Variants in KIRREL3 observed in about 807,000 individuals in gnomAD.
The protein encoded by KIRREL3 is kin of IRRE-like protein 3.
Under a neutral mutation model 89.7 loss-of-function variants are expected in KIRREL3, and 36 were observed. That is an observed-to-expected ratio of 0.40 (90% confidence interval 0.31 to 0.53). The LOEUF is 0.53. KIRREL3 is among the 20% of genes least tolerant of loss of function. The pLI, the probability that KIRREL3 is intolerant of heterozygous loss-of-function variation, is 0.49. For missense variants in KIRREL3, 864 were observed against 1,056.6 expected, an observed-to-expected ratio of 0.82 and a Z score of 2.53; for synonymous variants, 445 against 441.4, an observed-to-expected ratio of 1.01 and a Z score of -0.10.
chr11:126,847,950 T>A (rs1021005022), intron 1 of KIRREL3, among the ~76,000 whole-genome samples: 4 of 152,242 alleles, frequency 2.6e-5, no homozygotes, highest in Non-Finnish European at 5.9e-5. Flanking sequence ...ACCATGTCTC[T>A]GACTGAAATG....
chr11:126,840,930 C>G (rs1211384993), intron 1 of KIRREL3, among the ~76,000 whole-genome samples: 1 of 152,168 alleles, frequency 6.6e-6, no homozygotes, highest in African/African-American at 2.4e-5. Context: ...TGAAAGTTCT[C>G]AAATGAGGAA....
rs1052822680 is a variant in KIRREL3, at chr11:126,594,119, A to G, written c.56-31207T>C. On this transcript the variant is annotated intron_variant, in intron 1 of 16. Coordinates refer to ENST00000525144, the MANE Select transcript of KIRREL3 (RefSeq NM_032531.4). The surrounding 1 kb of genome is among the most constrained non-coding windows in gnomAD (Gnocchi z 5.0). Reference sequence around the variant, plus strand: ...ACAGTGTATCCTCCTCCCATCCTCCACCCCTCCCTCCTGGTCACAGGTTCT... The same window carrying G: ...ACAGTGTATCCTCCTCCCATCCTCCGCCCCTCCCTCCTGGTCACAGGTTCT... 4.0e-5 allele frequency among the ~76,000 whole-genome samples: 6 copies of G among 151,080 alleles called. No homozygotes were observed. Among genetic ancestry groups the G allele is most frequent in the African/African-American group, 1.5e-4 (6 of 41,034 alleles).
chr11:126,425,020 G>T lies in KIRREL3; in HGVS notation c.1897C>A (p.Pro633Thr), dbSNP rs974675442. Reference sequence around the variant, plus strand: ...TTGACGCTGTAGTAGCCATTGGTGGGGTCCTGGATGGGCGAGAGGAAGAGG... The same window carrying T: ...TTGACGCTGTAGTAGCCATTGGTGGTGTCCTGGATGGGCGAGAGGAAGAGG... ...EEKEFQNLKD[P>T]TNGYYSVNTF... Residue 633 changes from proline (P) to threonine (T), a missense_variant, in exon 17 of 17, where the codon CCC becomes ACC. Coordinates refer to ENST00000525144, the MANE Select transcript of KIRREL3 (RefSeq NM_032531.4). 2.6e-6 allele frequency: 4 copies of T among 1,524,472 alleles called. No homozygotes were observed. The highest frequency in any genetic ancestry group is 2.8e-5 in the African/African-American group (2 of 72,544). 94.4% of individuals were successfully genotyped at this position (1,524,472 alleles called of 1,614,324 possible).
chr11:126,556,110 T>G (rs1299470134), intron 2 of KIRREL3, among the ~76,000 whole-genome samples: 1 of 152,198 alleles, frequency 6.6e-6, no homozygotes, highest in Non-Finnish European at 1.5e-5. Flanking sequence ...AATTTGCATT[T>G]CGAAACACTG....
Position 126,669,179 on chromosome 11 carries a change from T to C in KIRREL3, c.56-106267A>G, listed in dbSNP as rs1175974149. Among the ~76,000 whole-genome samples the C allele has an allele frequency of 6.6e-6, 1 of 152,200 alleles. No homozygotes were observed. Among genetic ancestry groups the C allele is most frequent in the Non-Finnish European group, 1.5e-5 (1 of 68,028 alleles). On this transcript the variant is annotated intron_variant, in intron 1 of 16. Transcript: ENST00000525144. This position sits in a 1 kb window ranked among gnomAD's most constrained non-coding sequence, Gnocchi z 5.0. ...TCTGGGGTATGGGTCTTCATCTTGT[T>C]TGTTATGGCAAGAATTCCCTTTAGT... is the stretch of plus-strand genomic sequence containing the variant.
Position 126,568,682 on chromosome 11 carries a change from T to C in KIRREL3, c.56-5770A>G, listed in dbSNP as rs1940697097. ...TTCTCTGAGCTTTGGTTTCCTCATT[T>C]ATAAAACGTTGATTCTAACGGTAAG... On this transcript the variant is annotated intron_variant, in intron 1 of 16. Transcript: ENST00000525144. The surrounding 1 kb of genome is among the most constrained non-coding windows in gnomAD (Gnocchi z 4.6). Among the ~76,000 whole-genome samples the C allele has an allele frequency of 6.6e-6, 1 of 152,282 alleles. No individual in the cohort carries two copies. The highest frequency in any genetic ancestry group is 2.1e-4 in the South Asian group (1 of 4,824).
At chr11:126,861,543 A>G (rs1038681213) in intron 1 of KIRREL3, among the ~76,000 whole-genome samples, 1 of 152,194 alleles carries the variant, frequency 6.6e-6, no homozygotes, top group Admixed American at 6.5e-5. Context: ...TTCACAGGGA[A>G]TAGTGGGGAA....
chr11:126,605,285 G>A lies in KIRREL3; in HGVS notation c.56-42373C>T, dbSNP rs1441687277. Among the ~76,000 whole-genome samples the A allele has an allele frequency of 6.6e-6, 1 of 152,176 alleles. No homozygotes were observed. ...TGCCAGGATTCCAGGCAGGTATAAT[G>A]TGCTGCACTTAATGTAGAGGATCAG... On this transcript the variant is annotated intron_variant, in intron 1 of 16. Coordinates refer to ENST00000525144, the MANE Select transcript of KIRREL3 (RefSeq NM_032531.4). The surrounding 1 kb of genome is among the most constrained non-coding windows in gnomAD (Gnocchi z 5.7).
intron 1 of KIRREL3, among the ~76,000 whole-genome samples, chr11:126,674,838 C>G (rs948176727): frequency 1.3e-5 from 2 of 151,960 alleles, no homozygotes; most frequent in Admixed American, 1.3e-4. Flanking sequence ...CAGCCTGGGC[C>G]AGCCATAAAA....
intron 1 of KIRREL3, among the ~76,000 whole-genome samples, chr11:126,880,734 C>T (rs1394609329): frequency 6.6e-6 from 1 of 150,584 alleles, no homozygotes; most frequent in African/African-American, 2.4e-5. Context: ...ACAGTAAAAT[C>T]TAAGTATATT....
At position 126,544,144 on chromosome 11, in the gene KIRREL3, G is replaced by C. The variant is rs1938596943; in HGVS notation, c.134-17457C>G. The C allele has an allele frequency of 5.3e-5, 8 of 152,248 alleles. No homozygotes were observed. The highest frequency in any genetic ancestry group is 5.2e-4 in the Admixed American group (8 of 15,294). The allele number at this position is 152,248 out of a possible 1,614,324, so 9.4% of individuals were successfully genotyped here. ...ACTCATGGCTTCACTGGAGAGAAGA[G>C]AGCAGCTTTCAACCCCCCTCTCCTA... On this transcript the variant is annotated intron_variant, in intron 2 of 16. Coordinates refer to ENST00000525144, the MANE Select transcript of KIRREL3 (RefSeq NM_032531.4). This position sits in a 1 kb window ranked among gnomAD's most constrained non-coding sequence, Gnocchi z 5.6.
In KIRREL3 at chr11:126,587,368, G is replaced by A. The variant is rs1363660093; in HGVS notation, c.56-24456C>T. ...GGCCTGGAGCAGAGCTGCAGGGGAA[G>A]CTGTGAGGCATGAGGCAGAGAGGTA... On this transcript the variant is annotated intron_variant, in intron 1 of 16. Coordinates refer to ENST00000525144, the MANE Select transcript of KIRREL3 (RefSeq NM_032531.4). This position sits in a 1 kb window ranked among gnomAD's most constrained non-coding sequence, Gnocchi z 5.2. Among the ~76,000 whole-genome samples the A allele has an allele frequency of 2.0e-5, 3 of 152,182 alleles. No individual in the cohort carries two copies. Among genetic ancestry groups the A allele is most frequent in the Non-Finnish European group, 4.4e-5 (3 of 68,038 alleles).
chr11:126,616,193 C>T (rs1016437993), intron 1 of KIRREL3, among the ~76,000 whole-genome samples: 2 of 152,028 alleles, frequency 1.3e-5, no homozygotes, highest in Non-Finnish European at 2.9e-5. Flanking sequence ...ATGGCGTTGC[C>T]CGTTCATGGG....
intron 1 of KIRREL3, among the ~76,000 whole-genome samples, chr11:126,919,229 G>A (rs1371979118): frequency 6.6e-6 from 1 of 152,160 alleles, no homozygotes; most frequent in African/African-American, 2.4e-5. Context: ...ATGAGATTGA[G>A]CGCTGTGGTA....
chr11:126,826,065 A>T (rs778753193), intron 1 of KIRREL3, among the ~76,000 whole-genome samples: 3 of 152,100 alleles, frequency 2.0e-5, no homozygotes, highest in Non-Finnish European at 4.4e-5. Flanking sequence ...GTCACTCATC[A>T]GATGCCCCCT....
At chr11:126,597,762 T>C (rs1387176171) in intron 1 of KIRREL3, among the ~76,000 whole-genome samples, 2 of 152,208 alleles carry the variant, frequency 1.3e-5, no homozygotes, top group Admixed American at 6.5e-5. Flanking sequence ...TGGGGCAGAA[T>C]GTGGCAACTT....
At chr11:126,720,935 T>A (rs1360805002) in intron 1 of KIRREL3, among the ~76,000 whole-genome samples, 1 of 151,976 alleles carries the variant, frequency 6.6e-6, no homozygotes, top group Non-Finnish European at 1.5e-5. Flanking sequence ...CAGGGAACAA[T>A]CTGGGAGAAA....
rs894839552 is a variant in KIRREL3, at chr11:126,566,664, G to C, written c.56-3752C>G. ...CTCCTGGGAGAAATAAAAGGGGATG[G>C]CTTTTTAAATGGGATGGGTTTTCTT... On this transcript the variant is annotated intron_variant, in intron 1 of 16. Transcript: ENST00000525144. The surrounding 1 kb of genome is among the most constrained non-coding windows in gnomAD (Gnocchi z 4.9). Among the ~76,000 whole-genome samples, 2 of 152,184 alleles carry C rather than the reference G, an allele frequency of 1.3e-5. No individual in the cohort carries two copies. Among genetic ancestry groups the C allele is most frequent in the Non-Finnish European group, 2.9e-5 (2 of 68,030 alleles).
At position 126,870,808 on chromosome 11, in the gene KIRREL3, T is replaced by C. The variant is rs545855905; in HGVS notation, c.55+129647A>G. Among the ~76,000 whole-genome samples the C allele has an allele frequency of 2.0e-5, 3 of 152,108 alleles. No homozygotes were observed. The highest frequency in any genetic ancestry group is 6.5e-5 in the Admixed American group (1 of 15,282). ...CTGCCCCTCCCCACTTCCAGTGTAG[T>C]TCCTGCACTGCCCCTCCCCACTTCC... On this transcript the variant is annotated intron_variant, in intron 1 of 16. Coordinates refer to ENST00000525144, the MANE Select transcript of KIRREL3 (RefSeq NM_032531.4). The surrounding 1 kb of genome is among the most constrained non-coding windows in gnomAD (Gnocchi z 4.4).
Sources: allele counts gnomAD v4.1 joint callset (sites outside exome capture counted in the v4.1 genomes callset), GRCh38; gene constraint gnomAD v4.1.1; non-coding constraint Gnocchi (gnomAD v3.1); transcripts MANE v1.5; gene names NCBI Gene and HGNC (gene_info 2026-07-23, HGNC 2026-07-21).